The following KCTD10 variants were observed in gnomAD, a reference collection of about 807,000 sequenced individuals.
The protein encoded by KCTD10 is potassium channel tetramerization domain containing 10.
In KCTD10, 13 loss-of-function variants were observed where a neutral mutation model predicts 34.6. The ratio of observed to expected loss-of-function variants is 0.38; its 90% CI spans 0.24 to 0.60. KCTD10 has a LOEUF of 0.60. Among genes scored for constraint, KCTD10 ranks in the 20% least tolerant of loss-of-function variants. The probability of loss-of-function intolerance (pLI) is 0.66; values close to 1 mark genes in which losing one functional copy is unlikely to be tolerated. For missense variants in KCTD10, 256 were observed against 420.3 expected (o/e 0.61, Z 3.42); for synonymous variants, 156 against 168.8 (o/e 0.92, Z 0.59).
At chr12:109,471,370 T>C in intron 1 of KCTD10, 1 of 985,476 alleles carries the variant, frequency 1.0e-6, no homozygotes, top group Non-Finnish European at 1.2e-6. Context: ...ACCTGCCATG[T>C]CAGGGCCCTG....
At chr12:109,454,241 C>A (rs904310482) in intron 6 of KCTD10, among the ~76,000 whole-genome samples, 20 of 152,214 alleles carry the variant, frequency 1.3e-4, no homozygotes, top group African/African-American at 3.9e-4. Flanking sequence ...GACCTGGCAG[C>A]AGCTATTATT....
intron 6 of KCTD10, among the ~76,000 whole-genome samples, chr12:109,452,038 G>C (rs554002199): frequency 6.6e-6 from 1 of 152,280 alleles, no homozygotes; most frequent in South Asian, 2.1e-4. Context: ...CCTGCCCCTA[G>C]TTTCCCTTCT....
chr12:109,454,140 C>T (rs973454805), intron 6 of KCTD10, among the ~76,000 whole-genome samples: 5 of 152,214 alleles, frequency 3.3e-5, no homozygotes, highest in African/African-American at 4.8e-5. Context: ...TTTCTCAATA[C>T]ACAAGAACCA....
rs1246140028 is a variant in KCTD10, at chr12:109,460,707, C to T, written c.316G>A (p.Glu106Lys). 5.0e-6 allele frequency: 8 copies of T among 1,614,162 alleles called. No individual in the cohort carries two copies. In the Admixed American group the frequency reaches 5.0e-5, roughly 10 times the overall value. Residue 106 changes from glutamate (E) to lysine (K), a missense_variant, in exon 3 of 7, where the codon GAG becomes AAG. By Grantham distance (56) the Glu-to-Lys change is moderately conservative. Around this residue, in one of 3 missense-constraint regions of KCTD10, gnomAD observed 155 missense variants for 207.0 expected, o/e 0.75. Coordinates refer to ENST00000228495, the MANE Select transcript of KCTD10 (RefSeq NM_031954.5). This position sits in a 1 kb window ranked among gnomAD's most constrained non-coding sequence, Gnocchi z 4.5. ...VPLPESRREI[E>K]ELLAEAKYYL... ...TACTTGGCTTCTGCTAGCAGCTCCT[C>T]GATCTCCCGGCGGCTCTCGGGTAAA...
chr12:109,450,758 G>C lies in KCTD10; in HGVS notation c.*837C>G, dbSNP rs1872731943. ...AGGGTCAGATGGCCTTCCTGGAGTG[G>C]AGTCGGGTCAATCAGGAGAACAACT... On this transcript the variant is annotated 3_prime_UTR_variant, in exon 7 of 7. Transcript: ENST00000228495. 1 of 168,326 alleles carries C rather than the reference G, an allele frequency of 5.9e-6. No individual in the cohort carries two copies. Among genetic ancestry groups the C allele is most frequent in the Admixed American group, 6.4e-5 (1 of 15,718 alleles). 10.4% of individuals were successfully genotyped at this position (168,326 alleles called of 1,614,324 possible).
chr12:109,465,369 G>C (rs1402092558), intron 2 of KCTD10, among the ~76,000 whole-genome samples: 1 of 152,206 alleles, frequency 6.6e-6, no homozygotes, highest in Non-Finnish European at 1.5e-5. Flanking sequence ...ACAGCGCCTT[G>C]TTTAGGGACA....
intron 1 of KCTD10, among the ~76,000 whole-genome samples, chr12:109,476,487 A>C (rs1740358126): frequency 6.6e-6 from 1 of 152,146 alleles, no homozygotes; most frequent in African/African-American, 2.4e-5. Context: ...GATCCCAAGC[A>C]GACAAACCCC....
intron 6 of KCTD10, among the ~76,000 whole-genome samples, chr12:109,454,032 A>G (rs1158612217): frequency 1.3e-5 from 2 of 152,260 alleles, no homozygotes; most frequent in African/African-American, 4.8e-5. Context: ...AACTGGGTCA[A>G]TTGCCTGCTA....
intron 1 of KCTD10, among the ~76,000 whole-genome samples, chr12:109,475,818 A>G (rs1024383399): frequency 6.6e-6 from 1 of 152,172 alleles, no homozygotes; most frequent in Admixed American, 6.5e-5. Flanking sequence ...ATTTCAACTA[A>G]ACTAAGTCAC....
intron 5 of KCTD10, chr12:109,456,777 C>A (rs1592836681): frequency 5.8e-6 from 1 of 171,078 alleles, no homozygotes; most frequent in East Asian, 1.6e-4. Context: ...CACATGTTTT[C>A]AAGGGCCAAA....
chr12:109,458,439 A>G, intron 3 of KCTD10: 1 of 182,038 alleles, frequency 5.5e-6, no homozygotes, highest in Non-Finnish European at 1.1e-5. Flanking sequence ...TAAAAAAAAA[A>G]GCATAAACCC....
intron 2 of KCTD10, among the ~76,000 whole-genome samples, chr12:109,467,861 C>G (rs1409934669): frequency 6.6e-6 from 1 of 152,042 alleles, no homozygotes; most frequent in African/African-American, 2.4e-5. Flanking sequence ...CAGTCGGGGA[C>G]AGGGGGACAG....
At chr12:109,470,718 A>C (rs1873843339) in intron 1 of KCTD10, 2 of 388,660 alleles carry the variant, frequency 5.1e-6, no homozygotes, top group Middle Eastern at 1.3e-3. Context: ...AAACAGGACC[A>C]TTCAGTCATC....
intron 2 of KCTD10, among the ~76,000 whole-genome samples, chr12:109,464,467 T>C (rs80140232): frequency 3.7e-4 from 57 of 152,224 alleles, no homozygotes; most frequent in African/African-American, 1.3e-3. Flanking sequence ...AAATCACCCA[T>C]TGGTTTGGGC....
At position 109,448,688 on chromosome 12, in the gene KCTD10, A is replaced by G. The variant is rs1872601494; in HGVS notation, c.*2907T>C. ...ATGACTTTTATTTTACATGTCGCCA[A>G]CGTTTGTACAACATACAGTGGCTAC... On this transcript the variant is annotated 3_prime_UTR_variant, in exon 7 of 7. Transcript: ENST00000228495. 6.6e-6 allele frequency: 1 copy of G among 152,282 alleles called. No homozygotes were observed. Among genetic ancestry groups the G allele is most frequent in the Non-Finnish European group, 1.5e-5 (1 of 68,050 alleles). 9.4% of individuals were successfully genotyped at this position (152,282 alleles called of 1,614,324 possible). A position where few individuals can be genotyped will look rare whatever the true frequency, so the allele number is the denominator to read the frequency against.
At chr12:109,466,253 G>T (rs1358512925) in intron 2 of KCTD10, among the ~76,000 whole-genome samples, 1 of 152,090 alleles carries the variant, frequency 6.6e-6, no homozygotes, top group Non-Finnish European at 1.5e-5. Context: ...TAGCCCCTCA[G>T]CAACACTCAT....
intron 2 of KCTD10, among the ~76,000 whole-genome samples, chr12:109,463,510 G>A (rs1566055933): frequency 6.6e-6 from 1 of 152,326 alleles, no homozygotes; most frequent in Non-Finnish European, 1.5e-5. Flanking sequence ...CTCCTCGCAT[G>A]TGGGGGGTCT....
intron 2 of KCTD10, among the ~76,000 whole-genome samples, chr12:109,465,093 G>A (rs946359939): frequency 6.6e-6 from 1 of 152,120 alleles, no homozygotes; most frequent in Non-Finnish European, 1.5e-5. Flanking sequence ...GGGCAGCATC[G>A]CACAGAGAAA....
At chr12:109,470,647 A>G (rs748430002) in intron 1 of KCTD10, 100 of 958,488 alleles carry the variant, frequency 1.0e-4, no homozygotes, top group Non-Finnish European at 1.2e-4. Context: ...TTGAACATCA[A>G]CAGTTTTTCA....
Sources: gnomAD v4.1 joint callset for allele counts (sites outside exome capture counted in the v4.1 genomes callset) on GRCh38, gnomAD v4.1.1 for gene constraint, gnomAD v4.1.1 regional missense constraint, Gnocchi (gnomAD v3.1) non-coding constraint, MANE v1.5 for transcripts, NCBI Gene and HGNC (gene_info 2026-07-23, HGNC 2026-07-21) for gene names.